Variants in APBB2 observed in about 807,000 individuals in gnomAD.
APBB2 encodes the protein Fe65-like 1.
In APBB2, 38 loss-of-function variants were observed where a neutral mutation model predicts 82.5. The ratio of observed to expected loss-of-function variants is 0.46; its 90% confidence interval spans 0.36 to 0.60. The LOEUF (loss-of-function observed/expected upper bound fraction) is 0.60. Among genes scored for constraint, APBB2 ranks in the 20% least tolerant of loss-of-function variants. The pLI is 0.00. For missense variants in APBB2, 772 were observed against 972.3 expected, an observed-to-expected ratio of 0.79 and a Z score of 2.74; for synonymous variants, 341 against 368.2, an observed-to-expected ratio of 0.93 and a Z score of 0.85.
chr4:41,120,709 T>A (rs976155811), intron 2 of APBB2, among the ~76,000 whole-genome samples: 1 of 152,142 alleles, frequency 6.6e-6, no homozygotes, highest in Non-Finnish European at 1.5e-5. Flanking sequence ...AGTTTCACCA[T>A]CCGTACAGCT....
intron 1 of APBB2, among the ~76,000 whole-genome samples, chr4:41,160,123 G>A (rs924296022): frequency 2.0e-5 from 3 of 152,154 alleles, no homozygotes; most frequent in African/African-American, 7.2e-5. Context: ...CCACGGAGGT[G>A]ATTCAGACAA....
At chr4:41,034,621 G>A (rs1718426548) in intron 4 of APBB2, among the ~76,000 whole-genome samples, 1 of 152,148 alleles carries the variant, frequency 6.6e-6, no homozygotes, top group Non-Finnish European at 1.5e-5. Flanking sequence ...CACGACACCT[G>A]GCCAAAAAGG....
Position 41,013,736 on chromosome 4 carries a change from A to T in APBB2, c.682T>A (p.Ser228Thr), listed in dbSNP as rs745728857. 1.6e-5 allele frequency: 26 copies of T among 1,613,896 alleles called. No individual in the cohort carries two copies. In the South Asian group the frequency reaches 2.7e-4, roughly 17 times the overall value. The change falls in exon 6 of 18, where the codon TCC (serine) becomes ACC (threonine). Residue 228 changes from serine to threonine, a missense_variant. Coordinates refer to ENST00000508593, the MANE Select transcript of APBB2 (RefSeq NM_004307.2). ...PEDGQVATVS[S>T]SPETKKDHPK... is the part of the protein sequence containing the mutation. The stretch of plus-strand genomic sequence containing the variant: ...TGATCCTTCTTGGTTTCTGGGCTGG[A>T]TGACACTGTGGCTACTTGGCCGTCT...
intron 2 of APBB2, among the ~76,000 whole-genome samples, chr4:41,109,294 A>AC (rs1748334296): frequency 7.8e-6 from 1 of 127,694 alleles, no homozygotes; most frequent in Admixed American, 8.6e-5. Flanking sequence ...AAATCACTAT[A>AC]ATTTTCTTTT....
At chr4:40,934,841 T>C (rs1408830563) in intron 8 of APBB2, 142 bp from the exon 9 acceptor site, 3 of 708,846 alleles carry the variant, frequency 4.2e-6, no homozygotes, top group Non-Finnish European at 4.8e-6. Context: ...GCAAGGACTG[T>C]TGAATGCTGA....
Position 41,166,194 on chromosome 4 carries a change from G to T in APBB2, c.-416-23052C>A, listed in dbSNP as rs111893497. 9.5e-3 allele frequency among the ~76,000 whole-genome samples: 1,449 copies of T among 152,006 alleles called. 33 individuals are homozygous for T. The highest frequency in any genetic ancestry group is 0.033 in the African/African-American group (1,369 of 41,450). On this transcript the variant is annotated intron_variant, in intron 1 of 17. Transcript: ENST00000508593. ...AAAGTACCCACTTTCTGCTCCAAAA[G>T]GGAAGCAAGAAGCCTGTAGTTCTTC...
chr4:41,096,450 A>G (rs189285624), intron 3 of APBB2, among the ~76,000 whole-genome samples: 67 of 152,344 alleles, frequency 4.4e-4, no homozygotes, highest in Non-Finnish European at 1.3e-4. Flanking sequence ...AGAAATCTTG[A>G]TAAATATATT....
At chr4:41,191,572 A>G (rs1348137377) in intron 1 of APBB2, among the ~76,000 whole-genome samples, 1 of 152,166 alleles carries the variant, frequency 6.6e-6, no homozygotes, top group Non-Finnish European at 1.5e-5. Flanking sequence ...TCCACACACA[A>G]AAGGACAAAA....
chr4:40,845,588 C>T (rs79050041), intron 12 of APBB2, among the ~76,000 whole-genome samples: 1 of 56,482 alleles, frequency 1.8e-5, no homozygotes, highest in African/African-American at 7.6e-5. Context: ...GGAAATTCCT[C>T]AAAAAAAAAA....
chr4:40,971,897 C>A (rs1444084704), intron 6 of APBB2, among the ~76,000 whole-genome samples: 2 of 152,100 alleles, frequency 1.3e-5, no homozygotes, highest in East Asian at 3.8e-4. Context: ...CATAATGAAT[C>A]CTTTCATGTT....
intron 12 of APBB2, among the ~76,000 whole-genome samples, chr4:40,882,774 G>A (rs1441279187): frequency 1.3e-5 from 2 of 152,212 alleles, no homozygotes; most frequent in Non-Finnish European, 1.5e-5. Flanking sequence ...ACACTAGTAC[G>A]GGAAGCAACA....
chr4:41,195,898 T>A, intron 1 of APBB2, among the ~76,000 whole-genome samples: 7 of 152,276 alleles, frequency 4.6e-5, no homozygotes, highest in Admixed American at 3.3e-4. Context: ...CAGTGGCTCA[T>A]GCCTGTAATC....
chr4:41,181,518 C>T (rs1198082920), intron 1 of APBB2, among the ~76,000 whole-genome samples: 1 of 152,164 alleles, frequency 6.6e-6, no homozygotes, highest in Admixed American at 6.6e-5. Context: ...CAGTAAACAT[C>T]CTTTTAGGTC....
chr4:41,019,423 C>T (rs914601246), intron 5 of APBB2, among the ~76,000 whole-genome samples: 5 of 152,100 alleles, frequency 3.3e-5, no homozygotes, highest in African/African-American at 2.4e-5. Flanking sequence ...AGGACAGACA[C>T]GTGTGTCACT....
chr4:40,878,787 T>C (rs1767585324), intron 12 of APBB2, among the ~76,000 whole-genome samples: 1 of 152,162 alleles, frequency 6.6e-6, no homozygotes, highest in Admixed American at 6.5e-5. Flanking sequence ...TCTTCCAGGG[T>C]TTGGAGAGGT....
intron 4 of APBB2, among the ~76,000 whole-genome samples, chr4:41,055,300 G>A (rs1432494335): frequency 2.0e-5 from 3 of 152,160 alleles, no homozygotes; most frequent in Non-Finnish European, 4.4e-5. Flanking sequence ...CAGGTACCAT[G>A]ATCCACAATT....
At chr4:41,185,276 G>A (rs1446412114) in intron 1 of APBB2, among the ~76,000 whole-genome samples, 3 of 152,174 alleles carry the variant, frequency 2.0e-5, no homozygotes, top group Non-Finnish European at 4.4e-5. Flanking sequence ...AGCTGTGTGA[G>A]GTTTCTAAAA....
rs1170607832 is a variant in APBB2, at chr4:40,893,398, C to T, written c.1268G>A (p.Arg423His). Reference protein sequence around the residue: ...SDPEAKCFAVRSLGWVEMAEE... With the variant: ...SDPEAKCFAVHSLGWVEMAEE... ...TGCCATCTCTACCCATCCCAGAGAA[C>T]GCACAGCAAAACACTGGAAGACAGT... Residue 423 changes from arginine (R) to histidine (H), a missense_variant, in exon 11 of 18, where the codon CGT (arginine) becomes CAT (histidine). Coordinates refer to ENST00000508593, the MANE Select transcript of APBB2 (RefSeq NM_004307.2). 9 of 1,611,378 alleles carry T rather than the reference C, an allele frequency of 5.6e-6. No individual in the cohort carries two copies. Among genetic ancestry groups the T allele is most frequent in the East Asian group, 2.2e-5 (1 of 44,748 alleles).
chr4:41,134,540 G>A (rs1757040436), intron 2 of APBB2, among the ~76,000 whole-genome samples: 1 of 152,080 alleles, frequency 6.6e-6, no homozygotes, highest in African/African-American at 2.4e-5. Context: ...TTCATAGGCA[G>A]TGCTTTGATT....
Sources: gnomAD v4.1 joint callset for allele counts (sites outside exome capture counted in the v4.1 genomes callset) on GRCh38, gnomAD v4.1.1 for gene constraint, MANE v1.5 for transcripts, NCBI Gene and HGNC (gene_info 2026-07-23, HGNC 2026-07-21) for gene names.